The following ROR1 variants were observed in gnomAD, a reference collection of about 807,000 sequenced individuals.
The protein encoded by ROR1 is inactive tyrosine-protein kinase transmembrane receptor ROR1.
Under a neutral mutation model 78.8 loss-of-function variants are expected in ROR1, and 19 were observed. The observed-to-expected ratio is 0.24, with a 90% CI of 0.17 to 0.35. ROR1 has a LOEUF of 0.35. Ranked by LOEUF, ROR1 falls within the 10% of genes least tolerant of loss-of-function variation. ROR1 has a pLI of 1.00. For synonymous variants in ROR1, 386 were observed against 433.6 expected (o/e 0.89, Z 1.36); for missense variants, 917 against 1,177.8 (o/e 0.78, Z 3.24).
At chr1:63,903,401 G>C (rs1222108092) in intron 1 of ROR1, among the ~76,000 whole-genome samples, 1 of 151,416 alleles carries the variant, frequency 6.6e-6, no homozygotes, top group Non-Finnish European at 1.5e-5. Context: ...AAATATAGTT[G>C]GGTTCATTTA....
intron 4 of ROR1, among the ~76,000 whole-genome samples, chr1:64,132,350 T>G (rs1648942363): frequency 6.6e-6 from 1 of 152,214 alleles, no homozygotes; most frequent in South Asian, 2.1e-4. Flanking sequence ...TTGTGAATAG[T>G]GCTGCTCTGC....
intron 1 of ROR1, among the ~76,000 whole-genome samples, chr1:63,951,583 G>A (rs115301371): frequency 0.017 from 2,658 of 152,316 alleles, 44 homozygotes; most frequent in Non-Finnish European, 0.029. Context: ...AAAGGGAATA[G>A]GAATGTGTGT....
At chr1:64,025,112 A>T (rs114199683) in intron 2 of ROR1, among the ~76,000 whole-genome samples, 1,612 of 152,320 alleles carry the variant, frequency 0.011, 22 homozygotes, top group African/African-American at 0.037. Flanking sequence ...TATTTTCTTT[A>T]AGGTGTTATA....
chr1:63,845,748 C>T (rs1645076524), intron 1 of ROR1, among the ~76,000 whole-genome samples: 2 of 152,176 alleles, frequency 1.3e-5, no homozygotes, highest in Admixed American at 1.3e-4. Context: ...TAACTTCCAA[C>T]TTTTGGGAGT....
Position 64,006,283 on chromosome 1 carries a change from C to T in ROR1, c.92-3022C>T, listed in dbSNP as rs186544535. ...CTATGCTTCCTTCCCTGAAATGCCG[C>T]CTTGGCTGCCAACCTTCTATTCCCA... is the stretch of plus-strand genomic sequence containing the variant. On this transcript the variant is annotated intron_variant, in intron 1 of 8. Coordinates refer to ENST00000371079, the MANE Select transcript of ROR1 (RefSeq NM_005012.4). Among the ~76,000 whole-genome samples, 230 of 152,290 alleles carry T rather than the reference C, an allele frequency of 1.5e-3. 3 individuals are homozygous for T. The highest frequency in any genetic ancestry group is 5.3e-3 in the African/African-American group (221 of 41,550).
intron 1 of ROR1, among the ~76,000 whole-genome samples, chr1:63,956,684 T>C (rs568046112): frequency 2.7e-4 from 41 of 152,324 alleles, no homozygotes; most frequent in Non-Finnish European, 5.7e-4. Flanking sequence ...GAACCAACTC[T>C]GTTGAGAAAG....
Position 63,774,342 on chromosome 1 carries a change from G to A in ROR1, c.-76G>A, listed in dbSNP as rs2100210313. The A allele has an allele frequency of 2.0e-6, 2 of 992,200 alleles. No individual in the cohort carries two copies. The highest frequency in any genetic ancestry group is 2.7e-6 in the Non-Finnish European group (2 of 738,516). The allele number at this position is 992,200 out of a possible 1,614,324, so 61.5% of individuals were successfully genotyped here. A position where few individuals can be genotyped will look rare whatever the true frequency, so the allele number is the denominator to read the frequency against. On this transcript the variant is annotated 5_prime_UTR_variant, in exon 1 of 9. Transcript: ENST00000371079. The surrounding 1 kb of genome is among the most constrained non-coding windows in gnomAD (Gnocchi z 5.7). ...CCAGCGGCCGGGACGAGGCGGCCGG[G>A]AGCCCGGGAAGAGCCCGTGGATGTT... is the stretch of plus-strand genomic sequence containing the variant.
At chr1:63,814,748 C>T (rs996306844) in intron 1 of ROR1, among the ~76,000 whole-genome samples, 17 of 152,170 alleles carry the variant, frequency 1.1e-4, no homozygotes, top group Admixed American at 2.6e-4. Flanking sequence ...GGAGCTCAGG[C>T]GGTAATGCAA....
At position 63,844,299 on chromosome 1, in the gene ROR1, A is replaced by G. The variant is rs180811474; in HGVS notation, c.91+69791A>G. On this transcript the variant is annotated intron_variant, in intron 1 of 8. Transcript: ENST00000371079. ...CCTTTTCACCATGGTTAGTGCCTTT[A>G]TTCCTGCCACCCACTCTTCTTGCAA... Among the ~76,000 whole-genome samples the G allele has an allele frequency of 2.6e-5, 4 of 152,146 alleles. No individual in the cohort carries two copies. In the East Asian group the frequency reaches 7.8e-4, roughly 29 times the overall value.
chr1:64,140,048 T>G (rs1649250831), intron 5 of ROR1, 61 bp from the exon 6 acceptor site: 1 of 1,484,244 alleles, frequency 6.7e-7, no homozygotes, highest in East Asian at 2.3e-5. Context: ...ATCCGTTGAC[T>G]AGATAACCAA....
At chr1:64,118,632 CAAAAAAAAAAAAA>C (rs3084938) in intron 4 of ROR1, among the ~76,000 whole-genome samples, 88 of 65,836 alleles carry the variant, frequency 1.3e-3, no homozygotes, top group Middle Eastern at 0.01. Flanking sequence ...GACTCCATCT[CAAAAAAAAAAAAA>C]AAAAAAAAAA....
chr1:63,811,636 G>A (rs1306918927), intron 1 of ROR1, among the ~76,000 whole-genome samples: 1 of 152,114 alleles, frequency 6.6e-6, no homozygotes, highest in Non-Finnish European at 1.5e-5. Context: ...CTGGAGGTGT[G>A]GTTAGCTGGA....
At chr1:64,046,018 C>A (rs1646780147) in intron 2 of ROR1, among the ~76,000 whole-genome samples, 2 of 152,148 alleles carry the variant, frequency 1.3e-5, no homozygotes, top group African/African-American at 4.8e-5. Context: ...TACAAACAGC[C>A]AGGTTTACAC....
At chr1:63,828,157 T>C (rs1162373772) in intron 1 of ROR1, among the ~76,000 whole-genome samples, 1 of 152,172 alleles carries the variant, frequency 6.6e-6, no homozygotes, top group Non-Finnish European at 1.5e-5. Context: ...TTGGTGGTCT[T>C]GGAGGAAACC....
chr1:63,975,535 G>C (rs1305706284), intron 1 of ROR1, among the ~76,000 whole-genome samples: 1 of 152,160 alleles, frequency 6.6e-6, no homozygotes, highest in Non-Finnish European at 1.5e-5. Context: ...CTGTCTTCCA[G>C]TTAAGCAGTT....
intron 1 of ROR1, among the ~76,000 whole-genome samples, chr1:63,877,678 A>G (rs1462129397): frequency 1.3e-5 from 2 of 151,998 alleles, no homozygotes; most frequent in African/African-American, 4.8e-5. Flanking sequence ...GGAGATCTCT[A>G]TATTTTTCTT....
At chr1:63,775,803 CT>C (rs1644613186) in intron 1 of ROR1, among the ~76,000 whole-genome samples, 1 of 152,154 alleles carries the variant, frequency 6.6e-6, no homozygotes, top group South Asian at 2.1e-4. Flanking sequence ...AGGATGATTT[CT>C]GAAACGGATC....
intron 4 of ROR1, among the ~76,000 whole-genome samples, chr1:64,089,015 A>G (rs2100641429): frequency 6.6e-6 from 1 of 152,178 alleles, no homozygotes; most frequent in Admixed American, 6.5e-5. Flanking sequence ...TACTTTAAAT[A>G]ATAAAAATAT....
At chr1:64,102,481 T>G (rs963722923) in intron 4 of ROR1, among the ~76,000 whole-genome samples, 2 of 152,278 alleles carry the variant, frequency 1.3e-5, no homozygotes, top group Middle Eastern at 3.4e-3. Context: ...CATTGATGTG[T>G]CCAGAGAGGG....
Sources: gnomAD v4.1 joint callset for allele counts (sites outside exome capture counted in the v4.1 genomes callset) on GRCh38, gnomAD v4.1.1 for gene constraint, Gnocchi (gnomAD v3.1) non-coding constraint, MANE v1.5 for transcripts, NCBI Gene and HGNC (gene_info 2026-07-23, HGNC 2026-07-21) for gene names.